PRH1: variants seen among roughly 807,000 people sequenced by gnomAD.
The protein encoded by PRH1 is proline rich protein HaeIII subfamily 1.
A neutral mutation model predicts 7.9 loss-of-function variants in PRH1; 7 were observed. That is an observed-to-expected ratio of 0.89 (90% CI 0.50 to 1.67). The LOEUF is 1.67. PRH1 is among the 40% of genes most tolerant of loss of function. The probability of loss-of-function intolerance (pLI) is 0.00; values close to 1 mark genes in which losing one functional copy is unlikely to be tolerated. For synonymous variants in PRH1, 45 were observed against 80.8 expected, an observed-to-expected ratio of 0.56 and a Z score of 2.38; for missense variants, 109 against 223.6, an observed-to-expected ratio of 0.49 and a Z score of 3.27.
At chr12:11,009,413 T>C (rs1183640770) in intron 1 of PRH1, among the ~76,000 whole-genome samples, 1 of 151,880 alleles carries the variant, frequency 6.6e-6, no homozygotes, top group African/African-American at 2.4e-5. Flanking sequence ...CTCCTAAATA[T>C]ATAGAGATGG....
At chr12:11,094,104 C>T in intron 1 of PRH1, among the ~76,000 whole-genome samples, 1 of 111,910 alleles carries the variant, frequency 8.9e-6, no homozygotes, top group East Asian at 2.1e-4. Context: ...GAGATGGAGA[C>T]CATCCTGGCC....
intron 1 of PRH1, among the ~76,000 whole-genome samples, chr12:11,021,395 A>T (rs1941620310): frequency 6.6e-6 from 1 of 152,204 alleles, no homozygotes. Context: ...AATACTATAC[A>T]ATGAACTATA....
intron 1 of PRH1, among the ~76,000 whole-genome samples, chr12:11,165,117 G>A (rs1047048281): frequency 2.0e-5 from 3 of 151,954 alleles, no homozygotes; most frequent in Admixed American, 6.6e-5. Context: ...TCAATTTTAC[G>A]GGTATGTTCT....
chr12:10,989,604 T>G (rs1939829685), intron 1 of PRH1, among the ~76,000 whole-genome samples: 1 of 152,206 alleles, frequency 6.6e-6, no homozygotes, highest in African/African-American at 2.4e-5. Context: ...TATTAAATAC[T>G]TAACCCAAAA....
chr12:11,093,971 G>A (rs1377376276), intron 1 of PRH1, among the ~76,000 whole-genome samples: 1 of 114,096 alleles, frequency 8.8e-6, no homozygotes. Flanking sequence ...AAACTCTAAC[G>A]TCCTCCAAGA....
intron 2 of PRH1, among the ~76,000 whole-genome samples, chr12:10,905,556 C>T (rs1282579166): frequency 6.6e-6 from 1 of 152,048 alleles, no homozygotes; most frequent in African/African-American, 2.4e-5. Flanking sequence ...ATCCCAGCTA[C>T]TTGGGAGGCT....
intron 1 of PRH1, among the ~76,000 whole-genome samples, chr12:11,145,701 A>G (rs1421293749): frequency 6.6e-6 from 1 of 152,210 alleles, no homozygotes; most frequent in Non-Finnish European, 1.5e-5. Context: ...TGATTTAAAA[A>G]CAAACAAAAA....
At chr12:10,917,811 G>A (rs960960354) in intron 2 of PRH1, among the ~76,000 whole-genome samples, 3 of 152,178 alleles carry the variant, frequency 2.0e-5, no homozygotes, top group African/African-American at 7.2e-5. Flanking sequence ...GACTGAATTC[G>A]TGTTCATGGA....
At chr12:11,163,360 AAAAT>A (rs142976250) in intron 1 of PRH1, among the ~76,000 whole-genome samples, 43,634 of 151,702 alleles carry the variant, frequency 0.29, 8,054 homozygotes, top group East Asian at 0.73. Context: ...TTAATCCTGA[AAAAT>A]AAAAATAAAA....
At chr12:10,895,257 T>C (rs1949627747) in intron 2 of PRH1, 2 of 152,146 alleles carry the variant, frequency 1.3e-5, no homozygotes, top group Admixed American at 1.3e-4. Context: ...ATCTGCCTGG[T>C]GTGGCTCCAT....
At chr12:10,918,893 T>C (rs1950009329) in intron 2 of PRH1, among the ~76,000 whole-genome samples, 1 of 152,170 alleles carries the variant, frequency 6.6e-6, no homozygotes, top group African/African-American at 2.4e-5. Flanking sequence ...ACTGTTTATA[T>C]TGCAAATAGA....
chr12:10,890,838 C>CA (rs1949562758), intron 2 of PRH1, among the ~76,000 whole-genome samples: 2 of 144,890 alleles, frequency 1.4e-5, no homozygotes, highest in African/African-American at 2.5e-5. Context: ...GGAGGGTTGG[C>CA]TTTTTTTTTT....
At chr12:11,061,088 T>C (rs1031627743) in intron 1 of PRH1, among the ~76,000 whole-genome samples, 3 of 152,184 alleles carry the variant, frequency 2.0e-5, no homozygotes, top group Non-Finnish European at 4.4e-5. Context: ...TTAAGAATTT[T>C]TGTCATATTT....
chr12:10,976,790 C>A (rs535619973), intron 1 of PRH1, among the ~76,000 whole-genome samples: 7 of 152,138 alleles, frequency 4.6e-5, no homozygotes, highest in Non-Finnish European at 1.0e-4. Flanking sequence ...ATCAACACCT[C>A]TATGCATACA....
upstream of PRH1, among the ~76,000 whole-genome samples, chr12:10,888,484 T>A (rs1325915744): frequency 6.6e-6 from 1 of 152,212 alleles, no homozygotes; most frequent in Non-Finnish European, 1.5e-5. Flanking sequence ...TTAGTTGTTA[T>A]ACAAATATTT....
chr12:11,010,891 T>A (rs1411799116), intron 1 of PRH1, among the ~76,000 whole-genome samples: 2 of 151,998 alleles, frequency 1.3e-5, no homozygotes, highest in Non-Finnish European at 2.9e-5. Context: ...TATTAATTTC[T>A]CTATTTTTTC....
At chr12:10,995,590 C>T (rs527441206) in intron 1 of PRH1, among the ~76,000 whole-genome samples, 6 of 152,050 alleles carry the variant, frequency 3.9e-5, no homozygotes, top group Admixed American at 3.3e-4. Context: ...TCATAGATGC[C>T]ATAGTTTCTA....
intron 2 of PRH1, chr12:10,964,967 A>G: frequency 1.5e-6 from 1 of 663,294 alleles, no homozygotes; most frequent in East Asian, 4.0e-5. Context: ...TATCACTGGA[A>G]TGACACTCTT....
intron 1 of PRH1, among the ~76,000 whole-genome samples, chr12:11,007,468 C>T (rs1940882479): frequency 1.3e-5 from 2 of 152,068 alleles, no homozygotes; most frequent in South Asian, 4.2e-4. Context: ...CATGCTTAGG[C>T]CTTTGGTAAA....
Sources: gnomAD v4.1 joint callset for allele counts (sites outside exome capture counted in the v4.1 genomes callset) on GRCh38, gnomAD v4.1.1 for gene constraint, MANE v1.5 for transcripts, NCBI Gene and HGNC (gene_info 2026-07-23, HGNC 2026-07-21) for gene names.